Variants in PRKCA observed in about 807,000 individuals in gnomAD.
PRKCA encodes protein kinase C alpha type.
A neutral mutation model predicts 87.0 loss-of-function variants in PRKCA; 27 were observed. That is an observed-to-expected ratio of 0.31 (90% CI 0.23 to 0.43). The LOEUF (loss-of-function observed/expected upper bound fraction) is 0.43. PRKCA is among the 20% of genes least tolerant of loss of function. The pLI is 1.00. For missense variants in PRKCA, 518 were observed against 852.3 expected (o/e 0.61, Z 4.88); for synonymous variants, 329 against 311.1 (o/e 1.06, Z -0.61).
intron 3 of PRKCA, among the ~76,000 whole-genome samples, chr17:66,528,910 G>GA (rs1567878201): frequency 6.6e-6 from 1 of 152,126 alleles, no homozygotes; most frequent in Non-Finnish European, 1.5e-5. Flanking sequence ...TTAGAGGAGG[G>GA]AAAAATGGTA....
rs886866452 is a variant in PRKCA at position 66,670,158 on chromosome 17, A to G, written c.530-16953A>G. Among the ~76,000 whole-genome samples, 14 of 152,348 alleles carry G rather than the reference A, an allele frequency of 9.2e-5. No homozygotes were observed. The East Asian group carries it at 2.5e-3, about 27-fold the overall frequency. On this transcript the variant is annotated intron_variant, in intron 5 of 16. Coordinates refer to ENST00000413366, the MANE Select transcript of PRKCA (RefSeq NM_002737.3). ...TCTCAGAGATGCAAGAGCTCAGAAT[A>G]TACATCACCCACACTTTCTTGAAAA...
At chr17:66,508,228 G>C (rs570807857) in intron 3 of PRKCA, among the ~76,000 whole-genome samples, 1 of 152,164 alleles carries the variant, frequency 6.6e-6, no homozygotes, top group Admixed American at 6.5e-5. Context: ...ACAGTGGGAA[G>C]GTCCATTCTA....
chr17:66,771,412 A>C (rs1274504104), intron 13 of PRKCA, among the ~76,000 whole-genome samples: 4 of 152,226 alleles, frequency 2.6e-5, no homozygotes, highest in Non-Finnish European at 5.9e-5. Flanking sequence ...GGTCTTGCCA[A>C]GATACTCATG....
At chr17:66,720,227 T>TCCC (rs1350506364) in intron 8 of PRKCA, among the ~76,000 whole-genome samples, 1 of 152,042 alleles carries the variant, frequency 6.6e-6, no homozygotes, top group Non-Finnish European at 1.5e-5. Flanking sequence ...TAGAAGGGAG[T>TCCC]CCCGTGCCTA....
intron 3 of PRKCA, among the ~76,000 whole-genome samples, chr17:66,617,844 ATTC>A (rs1195820596): frequency 6.6e-6 from 1 of 152,172 alleles, no homozygotes; most frequent in Non-Finnish European, 1.5e-5. Flanking sequence ...TGAGAGAGCC[ATTC>A]TTATTTTTTT....
Position 66,340,303 on chromosome 17 carries a change from C to T in PRKCA, c.205+34176C>T, listed in dbSNP as rs115832717. ...CCAAAGGAACTAGGTTTTGGGTGGA[C>T]GACTTAGCCCTCCACAAGGGACTGC... On this transcript the variant is annotated intron_variant, in intron 2 of 16. Coordinates refer to ENST00000413366, the MANE Select transcript of PRKCA (RefSeq NM_002737.3). Among the ~76,000 whole-genome samples the T allele has an allele frequency of 4.4e-3, 661 of 151,106 alleles. 5 individuals are homozygous for T. The highest frequency in any genetic ancestry group is 0.015 in the African/African-American group (628 of 41,178).
Position 66,765,418 on chromosome 17 carries a change from C to CTATATATATATA in PRKCA, c.1525-8543_1525-8532dup, listed in dbSNP as rs58356468. On this transcript the variant is annotated intron_variant, in intron 13 of 16. Transcript: ENST00000413366. ...CCTGGTCGACAGAGCAAGACTTTGT[C>CTATATATATATA]TATATATATATATATATATATATAT... Among the ~76,000 whole-genome samples the CTATATATATATA allele has an allele frequency of 2.2e-3, 108 of 49,284 alleles. 2 individuals are homozygous for CTATATATATATA. Among genetic ancestry groups the CTATATATATATA allele is most frequent in the Non-Finnish European group, 2.8e-3 (73 of 25,756 alleles). The allele number at this position is 49,284 out of a possible 152,430, so 32.3% of individuals were successfully genotyped here. A position where few individuals can be genotyped will look rare whatever the true frequency, so the allele number is the denominator to read the frequency against.
intron 2 of PRKCA, among the ~76,000 whole-genome samples, chr17:66,314,157 G>A (rs960677963): frequency 2.6e-5 from 4 of 152,158 alleles, no homozygotes; most frequent in Non-Finnish European, 1.5e-5. Context: ...GAAACTTTTG[G>A]TATGAATGAA....
At chr17:66,642,863 C>T (rs778835838) in intron 4 of PRKCA, among the ~76,000 whole-genome samples, 6 of 151,944 alleles carry the variant, frequency 3.9e-5, no homozygotes, top group African/African-American at 9.7e-5. Flanking sequence ...ACCAACATAG[C>T]GAAACCCCGT....
At chr17:66,548,179 G>A (rs537878222) in intron 3 of PRKCA, among the ~76,000 whole-genome samples, 6 of 152,234 alleles carry the variant, frequency 3.9e-5, no homozygotes, top group Non-Finnish European at 8.8e-5. Flanking sequence ...ACATTATAAA[G>A]CAAAAACTAC....
intron 3 of PRKCA, among the ~76,000 whole-genome samples, chr17:66,588,635 C>CTTTTTTTTTTTTTTTTTTTTTTTTT (rs397856363): frequency 2.6e-5 from 1 of 39,110 alleles, no homozygotes; most frequent in Non-Finnish European, 4.5e-5. Context: ...TTTTGCTTTG[C>CTTTTTTTTTTTTTTTTTTTTTTTTT]TTTTTTTTTT....
chr17:66,326,237 C>G (rs1457625173), intron 2 of PRKCA, among the ~76,000 whole-genome samples: 1 of 152,098 alleles, frequency 6.6e-6, no homozygotes, highest in Non-Finnish European at 1.5e-5. Context: ...TGTTTTTTCT[C>G]ATGACATGGA....
At chr17:66,592,816 A>G (rs1415612620) in intron 3 of PRKCA, among the ~76,000 whole-genome samples, 1 of 152,204 alleles carries the variant, frequency 6.6e-6, no homozygotes, top group Non-Finnish European at 1.5e-5. Flanking sequence ...TTTTTGAGAC[A>G]AAGTCTCGCT....
intron 3 of PRKCA, among the ~76,000 whole-genome samples, chr17:66,514,607 C>T (rs1966904264): frequency 6.6e-6 from 1 of 152,132 alleles, no homozygotes; most frequent in Admixed American, 6.5e-5. Flanking sequence ...CGGCCTCCTC[C>T]AGCGTTTAGT....
At chr17:66,710,820 A>G (rs1367730012) in intron 8 of PRKCA, among the ~76,000 whole-genome samples, 1 of 152,052 alleles carries the variant, frequency 6.6e-6, no homozygotes, top group East Asian at 1.9e-4. Flanking sequence ...ACCCGAGGTC[A>G]GGAGTTCAAG....
intron 13 of PRKCA, among the ~76,000 whole-genome samples, chr17:66,743,058 C>T (rs1427505067): frequency 2.0e-5 from 3 of 152,140 alleles, no homozygotes; most frequent in Admixed American, 6.5e-5. Flanking sequence ...TGGCTGGGCG[C>T]GGTGGCTCAC....
chr17:66,452,978 C>T lies in PRKCA; in HGVS notation c.206-43223C>T, dbSNP rs558759787. The stretch of plus-strand genomic sequence containing the variant: ...TGAACCCCCATTGAGCTTGTAGCAT[C>T]GAGATGTGCTGTGTGTCACATTCAG... On this transcript the variant is annotated intron_variant, in intron 2 of 16. Coordinates refer to ENST00000413366, the MANE Select transcript of PRKCA (RefSeq NM_002737.3). Among the ~76,000 whole-genome samples, 12 of 152,352 alleles carry T rather than the reference C, an allele frequency of 7.9e-5. No homozygotes were observed. In the East Asian group the frequency reaches 1.3e-3, roughly 17 times the overall value.
rs1475657758 is a variant in PRKCA at position 66,502,085 on chromosome 17, T to A, written c.288+5802T>A. Among the ~76,000 whole-genome samples the A allele has an allele frequency of 2.6e-5, 4 of 152,176 alleles. No individual in the cohort carries two copies. In the East Asian group the frequency reaches 7.7e-4, roughly 29 times the overall value. ...CGGAGCTCCCTGTTCTTAGAAGAGT[T>A]TCTATTCATTTTCGATTATGTCTGT... On this transcript the variant is annotated intron_variant, in intron 3 of 16. Transcript: ENST00000413366.
At chr17:66,496,138 G>A in intron 2 of PRKCA, 63 bp from the exon 3 acceptor site, 1 of 1,329,514 alleles carries the variant, frequency 7.5e-7, no homozygotes, top group Non-Finnish European at 1.1e-6. Context: ...TCTCTGTTTG[G>A]AAAATAAAGC....
Sources: gnomAD v4.1 joint callset for allele counts (sites outside exome capture counted in the v4.1 genomes callset) on GRCh38, gnomAD v4.1.1 for gene constraint, MANE v1.5 for transcripts, NCBI Gene and HGNC (gene_info 2026-07-23, HGNC 2026-07-21) for gene names.